Variants in KCNIP4 observed in about 807,000 individuals in gnomAD.
The protein encoded by KCNIP4 is potassium voltage-gated channel interacting protein 4.
Under a neutral mutation model 34.0 loss-of-function variants are expected in KCNIP4, and 12 were observed. The observed-to-expected ratio is 0.35, with a 90% CI of 0.23 to 0.57. The LOEUF (loss-of-function observed/expected upper bound fraction) is 0.57, where lower values mean the gene tolerates loss of function less well. KCNIP4 is among the 20% of genes least tolerant of loss of function. KCNIP4 has a pLI of 0.83. For synonymous variants in KCNIP4, 124 were observed against 102.2 expected (o/e 1.21, Z -1.29); for missense variants, 238 against 311.7 (o/e 0.76, Z 1.78).
chr4:21,003,797 T>C (rs181664542), intron 1 of KCNIP4, among the ~76,000 whole-genome samples: 1 of 152,258 alleles, frequency 6.6e-6, no homozygotes, highest in Non-Finnish European at 1.5e-5. Flanking sequence ...GATTCTTCAA[T>C]GATAAGCCAG....
chr4:21,915,231 A>G (rs1203692745), intron 1 of KCNIP4, among the ~76,000 whole-genome samples: 1 of 152,164 alleles, frequency 6.6e-6, no homozygotes, highest in African/African-American at 2.4e-5. Context: ...TTTACTCACA[A>G]AATTGGCTGA....
chr4:21,407,265 A>G (rs1283233763), intron 1 of KCNIP4, among the ~76,000 whole-genome samples: 3 of 151,794 alleles, frequency 2.0e-5, no homozygotes. Context: ...GGCTCACCTC[A>G]TTCAAATCTC....
In KCNIP4 at chr4:21,507,223, A is replaced by C. The variant is rs1485178745; in HGVS notation, c.61+441348T>G. ...CACATTTTAGGCACTCACTGGCTGC[A>C]CATGGCCAGTGGTCTGGGCACTGGC... On this transcript the variant is annotated intron_variant, in intron 1 of 8. Coordinates refer to ENST00000382152, the MANE Select transcript of KCNIP4 (RefSeq NM_025221.6). Among the ~76,000 whole-genome samples, 5 of 151,964 alleles carry C rather than the reference A, an allele frequency of 3.3e-5. No individual in the cohort carries two copies. The East Asian group carries it at 7.8e-4, about 24-fold the overall frequency.
At chr4:21,557,739 C>T (rs1475442137) in intron 1 of KCNIP4, among the ~76,000 whole-genome samples, 5 of 152,102 alleles carry the variant, frequency 3.3e-5, no homozygotes, top group African/African-American at 1.2e-4. Flanking sequence ...CTTCAATTTT[C>T]CAATTTTAGA....
At chr4:21,601,498 C>T (rs1203724368) in intron 1 of KCNIP4, among the ~76,000 whole-genome samples, 1 of 151,832 alleles carries the variant, frequency 6.6e-6, no homozygotes, top group African/African-American at 2.4e-5. Context: ...AGAGACTCTC[C>T]TTTCCCCTTT....
intron 1 of KCNIP4, among the ~76,000 whole-genome samples, chr4:21,480,519 C>A (rs1731332193): frequency 6.6e-6 from 1 of 152,056 alleles, no homozygotes; most frequent in East Asian, 1.9e-4. Flanking sequence ...ACTAATATGA[C>A]AAGAATACTC....
intron 1 of KCNIP4, among the ~76,000 whole-genome samples, chr4:21,515,757 G>C (rs964943451): frequency 9.2e-5 from 14 of 152,270 alleles, no homozygotes; most frequent in Non-Finnish European, 1.9e-4. Context: ...CCTTAGAAAA[G>C]GAGGAGTTTG....
At chr4:21,529,540 GT>G (rs946662060) in intron 1 of KCNIP4, among the ~76,000 whole-genome samples, 12 of 152,076 alleles carry the variant, frequency 7.9e-5, no homozygotes, top group South Asian at 2.1e-4. Flanking sequence ...ATCAATCTTA[GT>G]TTTTTTTATC....
At chr4:21,321,432 A>T (rs1714403038) in intron 1 of KCNIP4, among the ~76,000 whole-genome samples, 1 of 152,174 alleles carries the variant, frequency 6.6e-6, no homozygotes, top group Non-Finnish European at 1.5e-5. Flanking sequence ...TATTGGGAAG[A>T]TGTAAATATA....
intron 1 of KCNIP4, among the ~76,000 whole-genome samples, chr4:20,914,224 A>G (rs1344283800): frequency 6.6e-6 from 1 of 152,170 alleles, no homozygotes; most frequent in Non-Finnish European, 1.5e-5. Context: ...ATGTGCTATT[A>G]CCATTAAAGC....
intron 1 of KCNIP4, among the ~76,000 whole-genome samples, chr4:21,934,137 G>T (rs1560189491): frequency 6.6e-6 from 1 of 151,996 alleles, no homozygotes; most frequent in Non-Finnish European, 1.5e-5. Context: ...ATCAAGCAGT[G>T]GAGGGAAGGG....
chr4:21,104,791 C>A (rs28843753), intron 1 of KCNIP4, among the ~76,000 whole-genome samples: 42,805 of 151,418 alleles, frequency 0.28, 6,927 homozygotes, highest in African/African-American at 0.41. Flanking sequence ...AGGAAGGGAT[C>A]CAGTTTCAGC....
At chr4:21,662,540 A>C (rs1038536644) in intron 1 of KCNIP4, among the ~76,000 whole-genome samples, 9 of 152,244 alleles carry the variant, frequency 5.9e-5, no homozygotes, top group African/African-American at 2.2e-4. Context: ...ACAGAAGCAC[A>C]AAAGCAGGAT....
intron 3 of KCNIP4, among the ~76,000 whole-genome samples, chr4:20,814,391 A>C (rs1246108386): frequency 6.6e-6 from 1 of 152,168 alleles, no homozygotes; most frequent in African/African-American, 2.4e-5. Context: ...CATCTTCACT[A>C]AATCTCTCAT....
At chr4:20,815,849 A>C (rs1716307007) in intron 3 of KCNIP4, among the ~76,000 whole-genome samples, 1 of 152,206 alleles carries the variant, frequency 6.6e-6, no homozygotes, top group Admixed American at 6.5e-5. Flanking sequence ...GAGACATGTG[A>C]GACTTTTAAG....
intron 3 of KCNIP4, among the ~76,000 whole-genome samples, chr4:20,794,753 G>A (rs1390090633): frequency 6.6e-6 from 1 of 152,188 alleles, no homozygotes; most frequent in African/African-American, 2.4e-5. Context: ...AGCTGCACCT[G>A]TATTCATGTT....
intron 3 of KCNIP4, among the ~76,000 whole-genome samples, chr4:20,807,554 A>G (rs1256009222): frequency 1.3e-5 from 2 of 152,180 alleles, no homozygotes; most frequent in African/African-American, 4.8e-5. Flanking sequence ...AATACTTAGT[A>G]TCTGGCCCTT....
chr4:21,839,645 T>C (rs114924754), intron 1 of KCNIP4, among the ~76,000 whole-genome samples: 2,263 of 152,098 alleles, frequency 0.015, 46 homozygotes, highest in African/African-American at 0.051. Flanking sequence ...CCCAGCTACT[T>C]GGGAGGCTGA....
chr4:21,190,693 C>A (rs1423100188), intron 1 of KCNIP4, among the ~76,000 whole-genome samples: 1 of 152,120 alleles, frequency 6.6e-6, no homozygotes, highest in Non-Finnish European at 1.5e-5. Flanking sequence ...GGATGTTGTA[C>A]TTTATTTGCC....
Sources: gnomAD v4.1 joint callset for allele counts (sites outside exome capture counted in the v4.1 genomes callset) on GRCh38, gnomAD v4.1.1 for gene constraint, MANE v1.5 for transcripts, NCBI Gene and HGNC (gene_info 2026-07-23, HGNC 2026-07-21) for gene names.